The following GFRAL variants were observed in gnomAD, a reference collection of about 807,000 sequenced individuals.
GFRAL encodes the protein GDNF family receptor alpha-like.
In GFRAL, 36 loss-of-function variants were observed where a neutral mutation model predicts 45.4. That is an observed-to-expected ratio of 0.79 (90% confidence interval 0.61 to 1.05). The LOEUF (loss-of-function observed/expected upper bound fraction) is 1.05. Among genes scored for constraint, GFRAL ranks in the 50% least tolerant of loss-of-function variants. The pLI is 0.00. For synonymous variants in GFRAL, 166 were observed against 154.1 expected (o/e 1.08, Z -0.57); for missense variants, 507 against 467.5 (o/e 1.08, Z -0.78).
At chr6:55,369,624 A>C (rs1768423064) in intron 6 of GFRAL, among the ~76,000 whole-genome samples, 1 of 152,202 alleles carries the variant, frequency 6.6e-6, no homozygotes, top group African/African-American at 2.4e-5. Flanking sequence ...CTGGCATTTG[A>C]ATAGAGTAAG....
chr6:55,381,727 C>G (rs1261913072), intron 6 of GFRAL, among the ~76,000 whole-genome samples: 1 of 151,692 alleles, frequency 6.6e-6, no homozygotes, highest in African/African-American at 2.4e-5. Context: ...ATAATTTTTA[C>G]TATTATCTGA....
At chr6:55,339,884 G>A (rs1334341353) in intron 3 of GFRAL, among the ~76,000 whole-genome samples, 2 of 152,146 alleles carry the variant, frequency 1.3e-5, no homozygotes, top group African/African-American at 4.8e-5. Flanking sequence ...TACATATTTA[G>A]AGCAGTTAAG....
intron 6 of GFRAL, among the ~76,000 whole-genome samples, chr6:55,390,565 G>C (rs1172393232): frequency 3.9e-5 from 6 of 152,108 alleles, no homozygotes; most frequent in Non-Finnish European, 5.9e-5. Flanking sequence ...CCCAATATCA[G>C]TGGAGTAGTA....
chr6:55,342,008 G>T (rs899058827), intron 3 of GFRAL, among the ~76,000 whole-genome samples: 10 of 152,142 alleles, frequency 6.6e-5, no homozygotes, highest in African/African-American at 2.4e-4. Context: ...AAGCCTCCAA[G>T]AAATATGGGA....
intron 6 of GFRAL, among the ~76,000 whole-genome samples, chr6:55,369,048 C>A (rs1421379462): frequency 6.6e-6 from 1 of 151,370 alleles, no homozygotes; most frequent in African/African-American, 2.4e-5. Context: ...AGCCTGGCTG[C>A]TGCCTTGCAG....
intron 5 of GFRAL, among the ~76,000 whole-genome samples, chr6:55,357,745 T>A (rs1032855742): frequency 1.3e-5 from 2 of 151,750 alleles, no homozygotes; most frequent in Non-Finnish European, 2.9e-5. Context: ...AGTTCATCAT[T>A]TTGGCAAAAT....
At chr6:55,351,131 C>A in intron 4 of GFRAL, 122 bp from the exon 5 acceptor site, 1 of 712,930 alleles carries the variant, frequency 1.4e-6, no homozygotes, top group South Asian at 1.9e-5. Context: ...TAATGTTTGC[C>A]AAAAATAGGA....
intron 3 of GFRAL, among the ~76,000 whole-genome samples, chr6:55,337,347 A>G (rs553936071): frequency 1.3e-5 from 2 of 152,032 alleles, no homozygotes; most frequent in Non-Finnish European, 2.9e-5. Context: ...AACTATGTTC[A>G]TAAAGTATAT....
At chr6:55,383,425 T>A (rs1768638168) in intron 6 of GFRAL, among the ~76,000 whole-genome samples, 1 of 152,012 alleles carries the variant, frequency 6.6e-6, no homozygotes, top group South Asian at 2.1e-4. Context: ...TAACATCGTA[T>A]TTTTACTGTG....
chr6:55,347,571 A>C (rs1768059687), intron 3 of GFRAL, among the ~76,000 whole-genome samples: 1 of 152,200 alleles, frequency 6.6e-6, no homozygotes, highest in African/African-American at 2.4e-5. Context: ...ACAACCCGAC[A>C]GCATAAAATT....
intron 6 of GFRAL, among the ~76,000 whole-genome samples, chr6:55,393,566 G>A (rs1768782656): frequency 6.6e-6 from 1 of 152,164 alleles, no homozygotes; most frequent in Non-Finnish European, 1.5e-5. Context: ...GTTCTAGGAA[G>A]AGGCAATAGC....
intron 6 of GFRAL, among the ~76,000 whole-genome samples, chr6:55,396,876 C>CTTTTTT (rs369457794): frequency 3.1e-5 from 4 of 127,888 alleles, no homozygotes; most frequent in Non-Finnish European, 5.0e-5. Flanking sequence ...AAGGGGGAAG[C>CTTTTTT]TTTTTTTTTT....
chr6:55,343,759 A>C (rs910552549), intron 3 of GFRAL, among the ~76,000 whole-genome samples: 1 of 152,218 alleles, frequency 6.6e-6, no homozygotes, highest in Non-Finnish European at 1.5e-5. Flanking sequence ...TGAAAAGATC[A>C]ACAAAATTGA....
intron 3 of GFRAL, among the ~76,000 whole-genome samples, chr6:55,336,088 G>A (rs1045200272): frequency 1.3e-5 from 2 of 152,094 alleles, no homozygotes; most frequent in Non-Finnish European, 2.9e-5. Flanking sequence ...GGGATTACAG[G>A]CATGTGCCAC....
At chr6:55,340,503 G>C (rs1000784453) in intron 3 of GFRAL, among the ~76,000 whole-genome samples, 1 of 152,072 alleles carries the variant, frequency 6.6e-6, no homozygotes, top group Non-Finnish European at 1.5e-5. Context: ...AATATAAAGA[G>C]CATCATCAAA....
At chr6:55,362,839 TAAAAG>T (rs1277890330) in intron 6 of GFRAL, among the ~76,000 whole-genome samples, 1 of 149,704 alleles carries the variant, frequency 6.7e-6, no homozygotes, top group Non-Finnish European at 1.5e-5. Flanking sequence ...TGTGGATAAT[TAAAAG>T]AAAAAGGAGA....
At chr6:55,379,925 T>C (rs1459529593) in intron 6 of GFRAL, among the ~76,000 whole-genome samples, 1 of 151,982 alleles carries the variant, frequency 6.6e-6, no homozygotes, top group Non-Finnish European at 1.5e-5. Flanking sequence ...GTGCCTGGCA[T>C]TTTTCGTTCA....
chr6:55,374,523 A>T (rs1241713407), intron 6 of GFRAL, among the ~76,000 whole-genome samples: 2 of 151,734 alleles, frequency 1.3e-5, no homozygotes, highest in African/African-American at 4.8e-5. Context: ...TAGATTCTGG[A>T]TATTAGATCT....
chr6:55,394,750 G>T (rs528019525), intron 6 of GFRAL, among the ~76,000 whole-genome samples: 7 of 151,858 alleles, frequency 4.6e-5, no homozygotes, highest in African/African-American at 7.3e-5. Context: ...GTGGTCTTTG[G>T]GTAATGACTG....
Sources: allele counts gnomAD v4.1 joint callset (sites outside exome capture counted in the v4.1 genomes callset), GRCh38; gene constraint gnomAD v4.1.1; transcripts MANE v1.5; gene names NCBI Gene and HGNC (gene_info 2026-07-23, HGNC 2026-07-21).